GLG1: variants seen among roughly 807,000 people sequenced by gnomAD.
GLG1 encodes Golgi apparatus protein 1.
Under a neutral mutation model 160.5 loss-of-function variants are expected in GLG1, and 38 were observed. The ratio of observed to expected loss-of-function variants is 0.24; its 90% CI spans 0.18 to 0.31. The LOEUF (loss-of-function observed/expected upper bound fraction) is 0.31, where lower values mean the gene tolerates loss of function less well. GLG1 is among the 10% of genes least tolerant of loss of function. GLG1 has a pLI of 1.00. For synonymous variants in GLG1, 644 were observed against 543.4 expected (o/e 1.19, Z -2.57); for missense variants, 1,373 against 1,505.2 (o/e 0.91, Z 1.45).
chr16:74,487,781 T>C (rs1597255919), intron 8 of GLG1, among the ~76,000 whole-genome samples: 1 of 152,246 alleles, frequency 6.6e-6, no homozygotes, highest in Admixed American at 6.5e-5. Flanking sequence ...AGACTGCAAA[T>C]ATTTACAGGC....
chr16:74,557,142 T>G (rs1241068878), intron 1 of GLG1, among the ~76,000 whole-genome samples: 1 of 152,208 alleles, frequency 6.6e-6, no homozygotes, highest in Non-Finnish European at 1.5e-5. Flanking sequence ...ATTACAATCA[T>G]TGTATAAAGA....
intron 8 of GLG1, among the ~76,000 whole-genome samples, chr16:74,488,292 A>G (rs2015863489): frequency 2.0e-5 from 3 of 152,288 alleles, no homozygotes; most frequent in Admixed American, 2.0e-4. Flanking sequence ...CTGTAATCCC[A>G]GCAGTTTGGG....
At chr16:74,499,505 T>C (rs976714396) in intron 4 of GLG1, among the ~76,000 whole-genome samples, 5 of 152,234 alleles carry the variant, frequency 3.3e-5, no homozygotes, top group Non-Finnish European at 5.9e-5. Flanking sequence ...TATTTCAGCA[T>C]AGCCACATGC....
chr16:74,585,737 G>A (rs1377853098), intron 1 of GLG1, among the ~76,000 whole-genome samples: 2 of 148,566 alleles, frequency 1.3e-5, no homozygotes, highest in Non-Finnish European at 3.0e-5. Context: ...AGGCCTCTAA[G>A]TAAAATTATG....
At chr16:74,567,758 C>T (rs940068658) in intron 1 of GLG1, among the ~76,000 whole-genome samples, 9 of 150,960 alleles carry the variant, frequency 6.0e-5, no homozygotes, top group African/African-American at 1.5e-4. Flanking sequence ...TTAGTAGAGA[C>T]GGGGTTTCAC....
At chr16:74,544,725 C>T (rs1029500619) in intron 1 of GLG1, among the ~76,000 whole-genome samples, 59 of 152,288 alleles carry the variant, frequency 3.9e-4, no homozygotes, top group African/African-American at 1.4e-3. Context: ...TGGTCTCAAT[C>T]TCTTGACCTT....
chr16:74,466,994 T>C (rs1316922313), intron 18 of GLG1, among the ~76,000 whole-genome samples: 5 of 152,072 alleles, frequency 3.3e-5, no homozygotes, highest in East Asian at 1.9e-4. Flanking sequence ...AAGGAACACA[T>C]AGATTGTGAG....
chr16:74,585,251 T>A (rs1237981166), intron 1 of GLG1, among the ~76,000 whole-genome samples: 4 of 151,234 alleles, frequency 2.6e-5, no homozygotes, highest in African/African-American at 9.7e-5. Context: ...CTACTAAAAA[T>A]ACAAAAAATT....
chr16:74,540,889 C>G (rs1260113018), intron 1 of GLG1, among the ~76,000 whole-genome samples: 1 of 152,148 alleles, frequency 6.6e-6, no homozygotes, highest in African/African-American at 2.4e-5. Flanking sequence ...GCTCAGCTGC[C>G]TGAATAAAGT....
intron 2 of GLG1, among the ~76,000 whole-genome samples, chr16:74,523,989 C>T (rs1392142592): frequency 6.6e-6 from 1 of 152,008 alleles, no homozygotes; most frequent in Non-Finnish European, 1.5e-5. Flanking sequence ...GAGGTGGGCA[C>T]ATCACCTGAG....
chr16:74,496,790 T>A, intron 4 of GLG1, 146 bp from the exon 5 acceptor site: 1 of 617,588 alleles, frequency 1.6e-6, no homozygotes, highest in Admixed American at 2.7e-5. Context: ...ATTAACGTTC[T>A]ACCAAGAAAT....
chr16:74,538,081 C>T (rs554603272), intron 1 of GLG1, among the ~76,000 whole-genome samples: 1 of 150,810 alleles, frequency 6.6e-6, no homozygotes, highest in African/African-American at 2.4e-5. Context: ...TCCACTGAAG[C>T]TGAACTACAT....
intron 18 of GLG1, 87 bp from the exon 19 acceptor site, chr16:74,465,900 C>T: frequency 2.8e-6 from 3 of 1,089,740 alleles, no homozygotes; most frequent in Non-Finnish European, 4.1e-6. Context: ...CTCCACTGTG[C>T]CTCCCATTTC....
Position 74,451,280 on chromosome 16 carries a change from C to T in GLG1, c.*1887G>A, listed in dbSNP as rs1203022048. 1 of 152,192 alleles carries T rather than the reference C, an allele frequency of 6.6e-6. No individual in the cohort carries two copies. Among genetic ancestry groups the T allele is most frequent in the Non-Finnish European group, 1.5e-5 (1 of 68,064 alleles). The allele number at this position is 152,192 out of a possible 1,614,324, so 9.4% of individuals were successfully genotyped here. ...GACAGCTGTTGACAATCAGGAAGAC[C>T]CTACAAGCAGGACCGAGGGGACTAA... On this transcript the variant is annotated 3_prime_UTR_variant, in exon 26 of 26. Coordinates refer to ENST00000422840, the MANE Select transcript of GLG1 (RefSeq NM_001145667.2).
intron 1 of GLG1, among the ~76,000 whole-genome samples, chr16:74,534,211 A>T (rs933755898): frequency 2.6e-5 from 4 of 151,988 alleles, no homozygotes; most frequent in Non-Finnish European, 5.9e-5. Context: ...TGCCTTTCTC[A>T]GTCTCAGAAA....
chr16:74,497,763 C>G (rs949514578), intron 4 of GLG1, among the ~76,000 whole-genome samples: 5 of 152,110 alleles, frequency 3.3e-5, no homozygotes, highest in Non-Finnish European at 7.4e-5. Flanking sequence ...AAGTTAAAAA[C>G]CAACAAACCA....
intron 12 of GLG1, among the ~76,000 whole-genome samples, chr16:74,476,544 A>G (rs993064670): frequency 6.6e-6 from 1 of 152,232 alleles, no homozygotes; most frequent in African/African-American, 2.4e-5. Flanking sequence ...AATGGAACCC[A>G]GAAACCTGAG....
intron 14 of GLG1, 53 bp from the exon 15 acceptor site, chr16:74,471,339 A>C (rs974597628): frequency 2.0e-6 from 2 of 1,009,108 alleles, no homozygotes; most frequent in South Asian, 2.6e-5. Context: ...AATGAACAAA[A>C]CTTGTAGCCC....
intron 2 of GLG1, among the ~76,000 whole-genome samples, chr16:74,515,287 C>T (rs1473577090): frequency 2.0e-5 from 3 of 152,126 alleles, no homozygotes; most frequent in East Asian, 1.9e-4. Flanking sequence ...AGCTCTGGAG[C>T]GGGCAGACCT....
Sources: allele counts gnomAD v4.1 joint callset (sites outside exome capture counted in the v4.1 genomes callset), GRCh38; gene constraint gnomAD v4.1.1; transcripts MANE v1.5; gene names NCBI Gene and HGNC (gene_info 2026-07-23, HGNC 2026-07-21).